CDKAL1: variants seen among roughly 807,000 people sequenced by gnomAD.
CDKAL1 encodes threonylcarbamoyladenosine tRNA methylthiotransferase.
A neutral mutation model predicts 68.2 loss-of-function variants in CDKAL1; 32 were observed. That is an observed-to-expected ratio of 0.47 (90% CI 0.35 to 0.63). The LOEUF is 0.63. Among genes scored for constraint, CDKAL1 ranks in the 30% least tolerant of loss-of-function variants. CDKAL1 has a pLI of 0.00. For missense variants in CDKAL1, 606 were observed against 696.7 expected (o/e 0.87, Z 1.47); for synonymous variants, 234 against 244.3 (o/e 0.96, Z 0.39).
intron 8 of CDKAL1, among the ~76,000 whole-genome samples, chr6:20,819,426 C>T (rs1403006026): frequency 2.6e-5 from 4 of 152,110 alleles, no homozygotes; most frequent in Admixed American, 1.3e-4. Flanking sequence ...GATGATTTTC[C>T]ATTTTTAAAA....
intron 1 of CDKAL1, among the ~76,000 whole-genome samples, chr6:20,534,843 C>T (rs901997600): frequency 9.2e-5 from 14 of 152,144 alleles, no homozygotes; most frequent in East Asian, 1.9e-4. Flanking sequence ...TTCATTTGTT[C>T]TCCCACTTTA....
At chr6:20,679,129 G>A (rs1477657813) in intron 5 of CDKAL1, among the ~76,000 whole-genome samples, 1 of 152,144 alleles carries the variant, frequency 6.6e-6, no homozygotes, top group African/African-American at 2.4e-5. Context: ...GCCAAGGCTG[G>A]CCTCAAACTC....
intron 11 of CDKAL1, among the ~76,000 whole-genome samples, chr6:21,046,153 TC>T (rs1320721060): frequency 7.9e-5 from 12 of 152,220 alleles, no homozygotes; most frequent in Non-Finnish European, 1.3e-4. Flanking sequence ...AAGAGTGCCT[TC>T]CACATTCTTG....
At chr6:20,542,124 CAT>C (rs557407865) in intron 2 of CDKAL1, among the ~76,000 whole-genome samples, 177 of 152,306 alleles carry the variant, frequency 1.2e-3, no homozygotes, top group African/African-American at 3.8e-3. Context: ...CATAATTTGT[CAT>C]AGCTGTAATG....
At chr6:20,643,319 C>A (rs1435093894) in intron 4 of CDKAL1, among the ~76,000 whole-genome samples, 1 of 152,216 alleles carries the variant, frequency 6.6e-6, no homozygotes, top group Admixed American at 6.5e-5. Flanking sequence ...AGGTGTTAAC[C>A]TCTTAGCAGG....
chr6:20,797,135 A>C (rs1776140675), intron 8 of CDKAL1, among the ~76,000 whole-genome samples: 1 of 152,336 alleles, frequency 6.6e-6, no homozygotes, highest in South Asian at 2.1e-4. Flanking sequence ...TACACAGCAT[A>C]GGACTTGTAT....
intron 8 of CDKAL1, among the ~76,000 whole-genome samples, chr6:20,821,171 T>C (rs1374807656): frequency 6.6e-6 from 1 of 152,080 alleles, no homozygotes; most frequent in Non-Finnish European, 1.5e-5. Context: ...ACTTTGCATT[T>C]TATTCATCAT....
chr6:20,930,808 G>A (rs1027957766), intron 9 of CDKAL1, among the ~76,000 whole-genome samples: 2 of 150,464 alleles, frequency 1.3e-5, no homozygotes, highest in African/African-American at 4.9e-5. Flanking sequence ...ACAGTGACAT[G>A]ATCTCAGCTC....
chr6:20,897,862 T>C (rs1186008235), intron 9 of CDKAL1, among the ~76,000 whole-genome samples: 3 of 152,120 alleles, frequency 2.0e-5, no homozygotes, highest in Non-Finnish European at 4.4e-5. Flanking sequence ...TAAAAGTACA[T>C]TTATTTCATT....
At chr6:20,596,396 A>G (rs1016367118) in intron 4 of CDKAL1, among the ~76,000 whole-genome samples, 2 of 152,184 alleles carry the variant, frequency 1.3e-5, no homozygotes, top group African/African-American at 4.8e-5. Context: ...GTCTGGCTAC[A>G]GCGGCTTTGC....
chr6:20,712,649 T>G (rs969940290), intron 5 of CDKAL1, among the ~76,000 whole-genome samples: 1 of 150,630 alleles, frequency 6.6e-6, no homozygotes, highest in Non-Finnish European at 1.5e-5. Flanking sequence ...AAAAGTTATA[T>G]AACTTTTTTT....
intron 5 of CDKAL1, among the ~76,000 whole-genome samples, chr6:20,697,104 T>C (rs1771141110): frequency 6.6e-6 from 1 of 152,138 alleles, no homozygotes; most frequent in Admixed American, 6.6e-5. Flanking sequence ...GGAAGAAAAT[T>C]GGCTGTTCTT....
At chr6:20,882,868 C>G (rs1261898054) in intron 9 of CDKAL1, among the ~76,000 whole-genome samples, 1 of 152,204 alleles carries the variant, frequency 6.6e-6, no homozygotes, top group African/African-American at 2.4e-5. Flanking sequence ...ATGGCTTCCT[C>G]TGATTCCTAG....
At chr6:21,066,463 G>T (rs1323682893) in intron 12 of CDKAL1, among the ~76,000 whole-genome samples, 1 of 152,078 alleles carries the variant, frequency 6.6e-6, no homozygotes, top group Non-Finnish European at 1.5e-5. Context: ...TATTATTGAG[G>T]GATAACTTAC....
chr6:20,943,328 C>CAA (rs34759060), intron 9 of CDKAL1, among the ~76,000 whole-genome samples: 1,277 of 50,936 alleles, frequency 0.025, 28 homozygotes, highest in African/African-American at 0.052. Flanking sequence ...CTTGTTTTTT[C>CAA]AAAAAAAAAA....
At chr6:21,122,407 A>G (rs1774769725) in intron 13 of CDKAL1, among the ~76,000 whole-genome samples, 1 of 152,122 alleles carries the variant, frequency 6.6e-6, no homozygotes, top group South Asian at 2.1e-4. Flanking sequence ...CTATAAGAGT[A>G]TGGGCTTTAA....
At chr6:20,963,512 T>C (rs1362784177) in intron 10 of CDKAL1, among the ~76,000 whole-genome samples, 1 of 152,206 alleles carries the variant, frequency 6.6e-6, no homozygotes, top group Non-Finnish European at 1.5e-5. Flanking sequence ...TTGTTTGTAA[T>C]GTTAAGTCTG....
chr6:20,797,878 G>T (rs55782006), intron 8 of CDKAL1, among the ~76,000 whole-genome samples: 1 of 150,558 alleles, frequency 6.6e-6, no homozygotes. Context: ...GTATAGTGGC[G>T]CAACCACGGT....
At chr6:21,051,690 T>C (rs1770548415) in intron 11 of CDKAL1, among the ~76,000 whole-genome samples, 1 of 152,234 alleles carries the variant, frequency 6.6e-6, no homozygotes, top group Non-Finnish European at 1.5e-5. Flanking sequence ...TTAGTATTAT[T>C]ATGTAATATT....
Sources: allele counts gnomAD v4.1 joint callset (sites outside exome capture counted in the v4.1 genomes callset), GRCh38; gene constraint gnomAD v4.1.1; transcripts MANE v1.5; gene names NCBI Gene and HGNC (gene_info 2026-07-23, HGNC 2026-07-21).